The following ZNF469 variants were observed in gnomAD, a reference collection of about 807,000 sequenced individuals.
ZNF469 encodes the protein zinc finger protein 469.
A neutral mutation model predicts 1.0 loss-of-function variants in ZNF469; 1 was observed. The ratio of observed to expected loss-of-function variants is 1.00; its 90% CI spans 0.35 to 4.73. The LOEUF (loss-of-function observed/expected upper bound fraction) is 4.73, where lower values mean the gene tolerates loss of function less well. Among genes scored for constraint, ZNF469 ranks in the 30% most tolerant of loss-of-function variants. The pLI is 0.16. For synonymous variants in ZNF469, 2,703 were observed against 2,363.4 expected, an observed-to-expected ratio of 1.14 and a Z score of -4.17; for missense variants, 6,100 against 5,356.3, an observed-to-expected ratio of 1.14 and a Z score of -4.33.
At chr16:88,291,752 C>A in the ZNF469 span, among the ~76,000 whole-genome samples, 1 of 152,104 alleles carries the variant, frequency 6.6e-6, no homozygotes, top group Non-Finnish European at 1.5e-5. Context: ...GGAAATGGAG[C>A]CGCCATATTG....
the ZNF469 span, among the ~76,000 whole-genome samples, chr16:88,340,170 T>A: frequency 6.6e-6 from 1 of 152,132 alleles, no homozygotes; most frequent in East Asian, 1.9e-4. Flanking sequence ...CAGAGGTGCC[T>A]CCCCTGCACG....
chr16:88,390,178 G>A (rs373044039), intron 1 of ZNF469, among the ~76,000 whole-genome samples: 1 of 152,208 alleles, frequency 6.6e-6, no homozygotes, highest in Non-Finnish European at 1.5e-5. Context: ...CAGGCAGAGG[G>A]GCTCACGGAG....
At chr16:88,258,643 A>G in the ZNF469 span, among the ~76,000 whole-genome samples, 2 of 149,468 alleles carry the variant, frequency 1.3e-5, no homozygotes, top group East Asian at 3.9e-4. Flanking sequence ...ATGAGTTTAG[A>G]CACTTGGAGA....
At chr16:88,135,918 G>A in the ZNF469 span, among the ~76,000 whole-genome samples, 2 of 151,740 alleles carry the variant, frequency 1.3e-5, no homozygotes, top group African/African-American at 2.4e-5. Flanking sequence ...CGGCCAACAC[G>A]CCCGGCTAAT....
At chr16:88,273,476 A>G in the ZNF469 span, among the ~76,000 whole-genome samples, 1 of 152,176 alleles carries the variant, frequency 6.6e-6, no homozygotes, top group Non-Finnish European at 1.5e-5. Context: ...TAATTACCAT[A>G]AAACACAAAG....
Position 88,432,675 on chromosome 16 carries a change from C to G in ZNF469, c.5205C>G (p.Ala1735=). 1.3e-6 allele frequency: 2 copies of G among 1,550,400 alleles called. No individual in the cohort carries two copies. Among genetic ancestry groups the G allele is most frequent in the Non-Finnish European group, 1.7e-6 (2 of 1,146,982 alleles). Residue 1735 remains alanine (A), a synonymous_variant, in exon 3 of 3, where the codon GCC becomes GCG. Transcript: ENST00000565624. ...AGCAGCCTGGCCCACAGCTGGATGCCGGGAGTTTAGCAAAGTGCAGCCCCG... is the reference window on the plus strand; with the variant it reads ...AGCAGCCTGGCCCACAGCTGGATGCGGGGAGTTTAGCAAAGTGCAGCCCCG... The part of the protein sequence containing the change: ...PSKQPGPQLD[A]GSLAKCSPDQ...
At chr16:88,295,627 C>A in the ZNF469 span, among the ~76,000 whole-genome samples, 4 of 152,290 alleles carry the variant, frequency 2.6e-5, no homozygotes, top group Admixed American at 6.5e-5. Flanking sequence ...TGTCATTGAG[C>A]TGTACAACTG....
chr16:88,384,659 C>T (rs1359298225), intron 1 of ZNF469, among the ~76,000 whole-genome samples: 1 of 152,172 alleles, frequency 6.6e-6, no homozygotes, highest in Non-Finnish European at 1.5e-5. Context: ...AGGGCCTTCT[C>T]AAAGGGAACC....
At chr16:88,382,054 C>T (rs992932086), upstream of ZNF469, among the ~76,000 whole-genome samples, 15 of 152,224 alleles carry the variant, frequency 9.9e-5, no homozygotes, top group African/African-American at 1.7e-4. Context: ...TCTGCGAAGT[C>T]CCCCCACTGC....
chr16:88,256,176 C>A, the ZNF469 span, among the ~76,000 whole-genome samples: 3 of 152,192 alleles, frequency 2.0e-5, no homozygotes, highest in African/African-American at 7.2e-5. Context: ...AGTAGTTTCA[C>A]CGCCCTAAAA....
chr16:88,104,638 T>C, the ZNF469 span, among the ~76,000 whole-genome samples: 668 of 152,346 alleles, frequency 4.4e-3, 4 homozygotes, highest in African/African-American at 0.015. Flanking sequence ...GGCCTGTCCA[T>C]GCAGCCTGCA....
upstream of ZNF469, among the ~76,000 whole-genome samples, chr16:88,380,993 GACATGCACTCACAC>G (rs2092521767): frequency 2.3e-5 from 1 of 44,260 alleles, no homozygotes; most frequent in Non-Finnish European, 4.3e-5. Context: ...CACTCACACA[GACATGCACTCACAC>G]ACATGCGCTC....
chr16:88,288,132 A>G, the ZNF469 span, among the ~76,000 whole-genome samples: 12 of 152,104 alleles, frequency 7.9e-5, no homozygotes, highest in South Asian at 2.5e-3. Flanking sequence ...CCCTGTGGTC[A>G]GTCAACATTT....
At chr16:88,380,530 CACACACGCACTA>C (rs1449826599), upstream of ZNF469, among the ~76,000 whole-genome samples, 10 of 116,698 alleles carry the variant, frequency 8.6e-5, no homozygotes, top group East Asian at 5.9e-4. Flanking sequence ...CACGCACTAA[CACACACGCACTA>C]ACACAGACAT....
At chr16:88,238,306 T>C in the ZNF469 span, among the ~76,000 whole-genome samples, 7 of 152,194 alleles carry the variant, frequency 4.6e-5, no homozygotes, top group African/African-American at 1.4e-4. Flanking sequence ...CTTCTGTCCC[T>C]CTGTCGGGTG....
chr16:88,436,509 C>T lies in ZNF469; in HGVS notation c.9039C>T (p.Leu3013=), dbSNP rs766519781. 5.2e-5 allele frequency: 80 copies of T among 1,548,688 alleles called. No individual in the cohort carries two copies. Among genetic ancestry groups the T allele is most frequent in the African/African-American group, 4.1e-4 (30 of 73,190 alleles). Reference sequence around the variant, plus strand: ...CTGCCGATGACTCCTCCTCTTCTCTCGGAGATGTGAGCCCCGAGCCCCCCA... The same window carrying T: ...CTGCCGATGACTCCTCCTCTTCTCTTGGAGATGTGAGCCCCGAGCCCCCCA... The part of the protein sequence containing the change: ...PAPADDSSSS[L]GDVSPEPPSL... Residue 3013 remains leucine, a synonymous_variant, in exon 3 of 3, where the codon CTC becomes CTT. Coordinates refer to ENST00000565624, the MANE Select transcript of ZNF469 (RefSeq NM_001367624.2).
chr16:88,263,517 G>A, the ZNF469 span, among the ~76,000 whole-genome samples: 5 of 152,324 alleles, frequency 3.3e-5, no homozygotes, highest in African/African-American at 1.2e-4. Context: ...AGGGGCAGGC[G>A]TGTGGGCCAT....
At chr16:88,269,092 C>G in the ZNF469 span, among the ~76,000 whole-genome samples, 168 of 152,320 alleles carry the variant, frequency 1.1e-3, no homozygotes, top group Non-Finnish European at 2.1e-3. Flanking sequence ...CTCAGCCCTC[C>G]CCTTTCTCAC....
At chr16:88,226,954 G>A in the ZNF469 span, among the ~76,000 whole-genome samples, 2 of 152,106 alleles carry the variant, frequency 1.3e-5, no homozygotes, top group African/African-American at 2.4e-5. Flanking sequence ...TGCCCTGCGC[G>A]TTTCCACCCG....
Sources: gnomAD v4.1 joint callset for allele counts (sites outside exome capture counted in the v4.1 genomes callset) on GRCh38, gnomAD v4.1.1 for gene constraint, MANE v1.5 for transcripts, NCBI Gene and HGNC (gene_info 2026-07-23, HGNC 2026-07-21) for gene names.